The following PTPRD variants were observed in gnomAD, a reference collection of about 807,000 sequenced individuals.
The protein encoded by PTPRD is receptor-type tyrosine-protein phosphatase delta.
In PTPRD, 34 loss-of-function variants were observed where a neutral mutation model predicts 214.5. That is an observed-to-expected ratio of 0.16 (90% CI 0.12 to 0.21). The LOEUF is 0.21. Ranked by LOEUF, PTPRD falls within the 10% of genes least tolerant of loss-of-function variation. The pLI is 1.00. For missense variants in PTPRD, 2,545 were observed against 2,398.7 expected (o/e 1.06, Z -1.27); for synonymous variants, 1,128 against 845.7 (o/e 1.33, Z -5.79).
chr9:10,142,760 C>G (rs1011124969), intron 3 of PTPRD, among the ~76,000 whole-genome samples: 1 of 148,804 alleles, frequency 6.7e-6, no homozygotes, highest in Non-Finnish European at 1.5e-5. Flanking sequence ...TTTGACCCAG[C>G]CATCCCATTA....
At chr9:9,774,037 G>T (rs1485805648) in intron 5 of PTPRD, among the ~76,000 whole-genome samples, 1 of 152,186 alleles carries the variant, frequency 6.6e-6, no homozygotes, top group Admixed American at 6.5e-5. Context: ...GACTCATGCA[G>T]GTAAGTGGAC....
At chr9:9,112,846 T>C (rs1317964042) in intron 10 of PTPRD, among the ~76,000 whole-genome samples, 1 of 152,140 alleles carries the variant, frequency 6.6e-6, no homozygotes, top group Non-Finnish European at 1.5e-5. Flanking sequence ...GTTTCGTATC[T>C]CTTGAATTAC....
intron 6 of PTPRD, among the ~76,000 whole-genome samples, chr9:9,737,919 C>G (rs202100996): frequency 6.6e-6 from 1 of 152,188 alleles, no homozygotes; most frequent in Non-Finnish European, 1.5e-5. Flanking sequence ...TCCACAGCAA[C>G]TGCATCATTT....
chr9:8,439,978 A>G (rs928474333), intron 34 of PTPRD, among the ~76,000 whole-genome samples: 11 of 104,218 alleles, frequency 1.1e-4, no homozygotes, highest in Admixed American at 4.0e-4. Flanking sequence ...CAGGCTGTAC[A>G]CCAGACCAAT....
chr9:9,073,891 T>C (rs954624348), intron 10 of PTPRD, among the ~76,000 whole-genome samples: 2 of 152,166 alleles, frequency 1.3e-5, no homozygotes, highest in Non-Finnish European at 2.9e-5. Flanking sequence ...ATATATAATA[T>C]ACTAAATGTA....
intron 8 of PTPRD, among the ~76,000 whole-genome samples, chr9:9,521,283 G>A (rs2096965546): frequency 6.6e-6 from 1 of 151,966 alleles, no homozygotes; most frequent in African/African-American, 2.4e-5. Flanking sequence ...TCAATTTCGT[G>A]GTCTGCATTC....
At chr9:10,423,916 A>G (rs2154517251) in intron 2 of PTPRD, among the ~76,000 whole-genome samples, 1 of 152,062 alleles carries the variant, frequency 6.6e-6, no homozygotes, top group East Asian at 2.0e-4. Flanking sequence ...TTTCTTTTAA[A>G]TGCTAATAAA....
chr9:9,725,208 G>A (rs184987158), intron 7 of PTPRD, among the ~76,000 whole-genome samples: 36 of 152,094 alleles, frequency 2.4e-4, no homozygotes, highest in African/African-American at 8.5e-4. Context: ...GATCTGGTAA[G>A]AGATAACTGA....
At position 8,523,503 on chromosome 9, in the gene PTPRD, AC is replaced by A. The variant is rs1564054101; in HGVS notation, c.691+9del. 4 of 1,613,032 alleles carry A rather than the reference AC, an allele frequency of 2.5e-6. No individual in the cohort carries two copies. Among genetic ancestry groups the A allele is most frequent in the Non-Finnish European group, 3.4e-6 (4 of 1,179,464 alleles). ...TTGTAAGGTGGGTAAAAAGTAAAAA[AC>A]ACACCAACCTTCTCGCAGCTCTGAG... On this transcript the variant is annotated intron_variant, in intron 19 of 45. Transcript: ENST00000381196.
chr9:8,918,924 T>C (rs1282031214), intron 11 of PTPRD, among the ~76,000 whole-genome samples: 2 of 152,166 alleles, frequency 1.3e-5, no homozygotes, highest in African/African-American at 2.4e-5. Flanking sequence ...TAATTAGGAA[T>C]GGTCTGTTAA....
chr9:10,564,050 G>A (rs1045445864), intron 2 of PTPRD, among the ~76,000 whole-genome samples: 2 of 151,360 alleles, frequency 1.3e-5, no homozygotes, highest in African/African-American at 4.9e-5. Flanking sequence ...CTGTTACACA[G>A]ACTGGAGAGC....
At chr9:10,377,840 G>C (rs1468038901) in intron 2 of PTPRD, among the ~76,000 whole-genome samples, 5 of 151,904 alleles carry the variant, frequency 3.3e-5, no homozygotes, top group African/African-American at 1.2e-4. Context: ...TTTCAATTTT[G>C]GCTACTGTGA....
chr9:8,537,661 C>T (rs2077284662), intron 14 of PTPRD, among the ~76,000 whole-genome samples: 1 of 152,032 alleles, frequency 6.6e-6, no homozygotes, highest in Non-Finnish European at 1.5e-5. Flanking sequence ...TTAGCAGCTA[C>T]TAAATATTCA....
chr9:10,278,683 C>T (rs983799673), intron 3 of PTPRD, among the ~76,000 whole-genome samples: 3 of 151,870 alleles, frequency 2.0e-5, no homozygotes, highest in Admixed American at 6.6e-5. Context: ...ACTACTGATT[C>T]GAAGATAATG....
chr9:9,316,270 C>T (rs1017726195), intron 9 of PTPRD, among the ~76,000 whole-genome samples: 2 of 151,986 alleles, frequency 1.3e-5, no homozygotes, highest in Admixed American at 6.6e-5. Context: ...CTTATACTCA[C>T]TGTTTCTACC....
chr9:9,718,587 C>A (rs1010075007), intron 7 of PTPRD, among the ~76,000 whole-genome samples: 2 of 152,234 alleles, frequency 1.3e-5, no homozygotes, highest in Non-Finnish European at 2.9e-5. Context: ...CCTTCCCCTG[C>A]AGGCTCAGAA....
intron 3 of PTPRD, among the ~76,000 whole-genome samples, chr9:10,061,701 C>A (rs947399428): frequency 5.3e-5 from 8 of 151,974 alleles, no homozygotes; most frequent in Non-Finnish European, 1.0e-4. Flanking sequence ...AATGAAAGGA[C>A]AAGAAACATT....
chr9:10,056,364 G>C (rs529573691), intron 3 of PTPRD, among the ~76,000 whole-genome samples: 3 of 149,918 alleles, frequency 2.0e-5, no homozygotes, highest in East Asian at 2.0e-4. Flanking sequence ...ACTTTCTGAA[G>C]ATGCACCTTT....
intron 9 of PTPRD, among the ~76,000 whole-genome samples, chr9:9,278,426 A>C (rs1256330649): frequency 1.3e-5 from 2 of 151,358 alleles, no homozygotes; most frequent in Non-Finnish European, 3.0e-5. Flanking sequence ...AATGGTCCTA[A>C]AATAATATAT....
Sources: allele counts gnomAD v4.1 joint callset (sites outside exome capture counted in the v4.1 genomes callset), GRCh38; gene constraint gnomAD v4.1.1; transcripts MANE v1.5; gene names NCBI Gene and HGNC (gene_info 2026-07-23, HGNC 2026-07-21).